The following STK24 variants were observed in gnomAD, a reference collection of about 807,000 sequenced individuals.
The protein encoded by STK24 is serine/threonine kinase 24.
STK24 carries 21 observed loss-of-function variants against 55.6 expected under a neutral mutation model. That is an observed-to-expected ratio of 0.38 (90% CI 0.27 to 0.54). The LOEUF (loss-of-function observed/expected upper bound fraction) is 0.54, where lower values mean the gene tolerates loss of function less well. Among genes scored for constraint, STK24 ranks in the 20% least tolerant of loss-of-function variants. The pLI, the probability that STK24 is intolerant of heterozygous loss-of-function variation, is 0.79. For synonymous variants in STK24, 200 were observed against 215.2 expected (o/e 0.93, Z 0.62); for missense variants, 383 against 538.4 (o/e 0.71, Z 2.86).
chr13:98,464,409 ACT>A (rs1338253873), intron 6 of STK24, among the ~76,000 whole-genome samples: 1 of 150,814 alleles, frequency 6.6e-6, no homozygotes, highest in Non-Finnish European at 1.5e-5. Flanking sequence ...ACAGAGCAAG[ACT>A]CTGTCTCAAA....
intron 1 of STK24, among the ~76,000 whole-genome samples, chr13:98,549,567 G>A (rs1482378944): frequency 6.6e-6 from 1 of 152,100 alleles, no homozygotes; most frequent in Non-Finnish European, 1.5e-5. Flanking sequence ...GTTTAAAAGT[G>A]TGTGGCACCT....
rs780061784 is a variant in STK24 at position 98,446,081 on chromosome 13, GC to G, written c.*7091del. ...CAGGTGCCCGCTGTGCTTCTCACAG[GC>G]CTCCTTGCCTTTCAGAATCAGTTGT... On this transcript the variant is annotated 3_prime_UTR_variant, in exon 11 of 11. Transcript: ENST00000539966. 20 of 1,575,332 alleles carry G rather than the reference GC, an allele frequency of 1.3e-5. No homozygotes were observed. The Admixed American group carries it at 3.2e-4, about 25-fold the overall frequency.
chr13:98,575,404 T>TACACACACACAC (rs143143374), intron 1 of STK24, among the ~76,000 whole-genome samples: 19 of 146,734 alleles, frequency 1.3e-4, no homozygotes, highest in African/African-American at 3.9e-4. Context: ...ACTGCTTATA[T>TACACACACACAC]ATACACACAC....
At chr13:98,569,847 A>C (rs1897693152) in intron 1 of STK24, among the ~76,000 whole-genome samples, 1 of 127,184 alleles carries the variant, frequency 7.9e-6, no homozygotes, top group Admixed American at 7.9e-5. Context: ...AATGCCTGAA[A>C]CCAGGAAAAA....
intron 5 of STK24, 66 bp from the exon 6 acceptor site, chr13:98,466,627 G>A (rs61249551): frequency 6.6e-7 from 1 of 1,518,588 alleles, no homozygotes. Context: ...AGTATTTAGG[G>A]GGAAAATGGT....
At chr13:98,544,850 T>A (rs1235627628) in intron 1 of STK24, among the ~76,000 whole-genome samples, 6 of 152,028 alleles carry the variant, frequency 3.9e-5, no homozygotes, top group Non-Finnish European at 7.4e-5. Flanking sequence ...GAGATGAAGG[T>A]AATAAAAATC....
chr13:98,476,249 C>CT (rs1164748731), intron 3 of STK24, among the ~76,000 whole-genome samples: 1 of 148,602 alleles, frequency 6.7e-6, no homozygotes, highest in Non-Finnish European at 1.5e-5. Flanking sequence ...AGCCCCCCCC[C>CT]GCCCCCTGCA....
intron 1 of STK24, chr13:98,522,157 T>C (rs1031052075): frequency 1.6e-5 from 15 of 966,062 alleles, no homozygotes; most frequent in African/African-American, 1.8e-5. Context: ...CCCCCTCCTC[T>C]GGGTAACTTT....
intron 2 of STK24, chr13:98,505,028 C>T (rs1416924608): frequency 1.3e-5 from 2 of 152,254 alleles, no homozygotes; most frequent in East Asian, 3.8e-4. Context: ...AAGGCAAGTT[C>T]TTACCGCAAG....
chr13:98,500,894 A>G (rs1261090942), intron 2 of STK24, among the ~76,000 whole-genome samples: 1 of 152,148 alleles, frequency 6.6e-6, no homozygotes, highest in Non-Finnish European at 1.5e-5. Flanking sequence ...TGACACACCT[A>G]GACTTTTAAA....
At chr13:98,519,855 C>T (rs1896198765) in intron 1 of STK24, among the ~76,000 whole-genome samples, 1 of 152,150 alleles carries the variant, frequency 6.6e-6, no homozygotes, top group African/African-American at 2.4e-5. Flanking sequence ...TCACTTTTCT[C>T]CATACCCAAT....
chr13:98,518,684 A>C (rs1285844478), intron 2 of STK24, among the ~76,000 whole-genome samples: 4 of 152,208 alleles, frequency 2.6e-5, no homozygotes, highest in African/African-American at 9.6e-5. Context: ...TTCCCACTTA[A>C]AGAACAGAGT....
chr13:98,477,537 T>C (rs1894422635), intron 3 of STK24, among the ~76,000 whole-genome samples: 1 of 152,050 alleles, frequency 6.6e-6, no homozygotes, highest in Non-Finnish European at 1.5e-5. Flanking sequence ...TAGCCGGGCA[T>C]GATGGCACAT....
intron 2 of STK24, among the ~76,000 whole-genome samples, chr13:98,510,554 A>T (rs1029843868): frequency 2.0e-5 from 3 of 152,256 alleles, no homozygotes; most frequent in African/African-American, 7.2e-5. Flanking sequence ...AATAGATAAC[A>T]AAGTGTGGTC....
At chr13:98,463,953 C>G (rs1893824857) in intron 6 of STK24, 117 bp from the exon 7 acceptor site, 2 of 1,214,142 alleles carry the variant, frequency 1.6e-6, no homozygotes, top group African/African-American at 3.0e-5. Context: ...GCTGGACTCT[C>G]TACTCCACAG....
At position 98,457,237 on chromosome 13, in the gene STK24, T is replaced by G. The variant is rs771507258; in HGVS notation, c.1190A>C (p.Tyr397Ser). 1.2e-6 allele frequency: 2 copies of G among 1,613,498 alleles called. No individual in the cohort carries two copies. The highest frequency in any genetic ancestry group is 1.7e-6 in the Non-Finnish European group (2 of 1,180,026). ...GSIEELRGAI[Y>S]LAEEACPGIS... Reference sequence around the variant, plus strand: ...GCCAGGGCACGCCTCCTCCGCTAGGTAGATGGCCCCTCGCAGCTCTTCAAT... The same window carrying G: ...GCCAGGGCACGCCTCCTCCGCTAGGGAGATGGCCCCTCGCAGCTCTTCAAT... The change falls in exon 10 of 11, where the codon TAC (tyrosine) becomes TCC (serine). Residue 397 changes from tyrosine (Y) to serine (S), a missense_variant. Tyr to Ser is a moderately radical substitution (Grantham distance 144, BLOSUM62 -2). Coordinates refer to ENST00000539966, the MANE Select transcript of STK24 (RefSeq NM_001032296.4).
At chr13:98,520,836 ATGACACACGAGCAGATAGCCACAG>A (rs768388307) in intron 1 of STK24, among the ~76,000 whole-genome samples, 2 of 152,222 alleles carry the variant, frequency 1.3e-5, no homozygotes, top group African/African-American at 4.8e-5. Context: ...TATCGCCACA[ATGACACACGAGCAGATAGCCACAG>A]TGACCTCCTG....
intron 1 of STK24, among the ~76,000 whole-genome samples, chr13:98,531,060 A>G (rs1441756954): frequency 6.6e-6 from 1 of 152,234 alleles, no homozygotes; most frequent in Non-Finnish European, 1.5e-5. Context: ...AGCTGACTGC[A>G]AACAAATAAA....
In STK24 at chr13:98,446,005, C is replaced by G. The variant is rs1427734927; in HGVS notation, c.*7168G>C. Reference sequence around the variant, plus strand: ...CACATCCTTCAGTCACGGACATGCCCCAGCCCAGGGCCCTGGTGCAGGGAG... The same window carrying G: ...CACATCCTTCAGTCACGGACATGCCGCAGCCCAGGGCCCTGGTGCAGGGAG... On this transcript the variant is annotated 3_prime_UTR_variant, in exon 11 of 11. Transcript: ENST00000539966. 1 of 846,080 alleles carries G rather than the reference C, an allele frequency of 1.2e-6. No individual in the cohort carries two copies. Among genetic ancestry groups the G allele is most frequent in the African/African-American group, 1.7e-5 (1 of 59,730 alleles). 52.4% of individuals were successfully genotyped at this position (846,080 alleles called of 1,614,324 possible).
Sources: allele counts gnomAD v4.1 joint callset (sites outside exome capture counted in the v4.1 genomes callset), GRCh38; gene constraint gnomAD v4.1.1; transcripts MANE v1.5; gene names NCBI Gene and HGNC (gene_info 2026-07-23, HGNC 2026-07-21).